Variants in EPB41L5 observed in about 807,000 individuals in gnomAD.
EPB41L5 encodes erythrocyte membrane protein band 4.1 like 5.
Under a neutral mutation model 106.6 loss-of-function variants are expected in EPB41L5, and 55 were observed. The ratio of observed to expected loss-of-function variants is 0.52; its 90% CI spans 0.42 to 0.65. EPB41L5 has a LOEUF of 0.65. Ranked by LOEUF, EPB41L5 falls within the 30% of genes least tolerant of loss-of-function variation. The pLI, the probability that EPB41L5 is intolerant of heterozygous loss-of-function variation, is 0.00. For synonymous variants in EPB41L5, 297 were observed against 306.7 expected (o/e 0.97, Z 0.33); for missense variants, 871 against 882.1 (o/e 0.99, Z 0.16).
At chr2:120,163,893 G>T (rs1053173629) in intron 21 of EPB41L5, among the ~76,000 whole-genome samples, 1 of 151,622 alleles carries the variant, frequency 6.6e-6, no homozygotes, top group East Asian at 1.9e-4. Flanking sequence ...TTGGGGCTGC[G>T]GTGAGTTATG....
chr2:120,165,124 G>A (rs1418070076), intron 22 of EPB41L5, among the ~76,000 whole-genome samples: 1 of 152,060 alleles, frequency 6.6e-6, no homozygotes, highest in Non-Finnish European at 1.5e-5. Flanking sequence ...GTCTCTATAA[G>A]CCTTTTATAA....
At chr2:120,150,925 T>C (rs1686643657) in intron 20 of EPB41L5, among the ~76,000 whole-genome samples, 1 of 152,240 alleles carries the variant, frequency 6.6e-6, no homozygotes, top group Admixed American at 6.5e-5. Flanking sequence ...GTGTTTTATA[T>C]AAGAAACCAT....
At chr2:120,149,937 C>T (rs1433042854) in intron 20 of EPB41L5, among the ~76,000 whole-genome samples, 3 of 149,126 alleles carry the variant, frequency 2.0e-5, no homozygotes, top group Non-Finnish European at 4.4e-5. Context: ...CTCTGTCACC[C>T]AGGTTGGAGT....
At chr2:120,129,352 A>AAAGG (rs1360891679) in intron 17 of EPB41L5, among the ~76,000 whole-genome samples, 6 of 151,456 alleles carry the variant, frequency 4.0e-5, no homozygotes, top group Non-Finnish European at 8.8e-5. Context: ...AAAAAGAAAG[A>AAAGG]AAGAAAGAAA....
chr2:120,080,556 C>T (rs531966208), intron 10 of EPB41L5, among the ~76,000 whole-genome samples: 4 of 152,182 alleles, frequency 2.6e-5, no homozygotes, highest in South Asian at 2.1e-4. Flanking sequence ...TGAATAGTGC[C>T]GCAGTAAACA....
chr2:120,146,747 T>A (rs1686424373), intron 20 of EPB41L5, among the ~76,000 whole-genome samples: 1 of 152,244 alleles, frequency 6.6e-6, no homozygotes, highest in South Asian at 2.1e-4. Flanking sequence ...TTTATTTGTC[T>A]TGTTAGTTAG....
chr2:120,163,272 C>CCCA (rs1553515959), intron 21 of EPB41L5, among the ~76,000 whole-genome samples: 15 of 106,136 alleles, frequency 1.4e-4, no homozygotes, highest in African/African-American at 3.2e-4. Flanking sequence ...CCCCCCCCCC[C>CCCA]AAAAAAAGAA....
At chr2:120,112,621 A>G (rs1044828761) in intron 16 of EPB41L5, among the ~76,000 whole-genome samples, 3 of 152,212 alleles carry the variant, frequency 2.0e-5, no homozygotes, top group Non-Finnish European at 4.4e-5. Flanking sequence ...CTTTGAATGG[A>G]TAAATCATTA....
At chr2:120,064,826 C>CT (rs1192082348) in intron 3 of EPB41L5, among the ~76,000 whole-genome samples, 2 of 152,190 alleles carry the variant, frequency 1.3e-5, no homozygotes, top group Non-Finnish European at 2.9e-5. Flanking sequence ...CAGTGCCTGT[C>CT]TCTGAGGCCT....
chr2:120,143,165 T>C (rs1198947241), intron 19 of EPB41L5, 34 bp downstream of exon 19: 6 of 1,532,960 alleles, frequency 3.9e-6, no homozygotes, highest in Non-Finnish European at 5.2e-6. Flanking sequence ...CCTGGTGAAG[T>C]GAAATGAGCA....
chr2:120,064,197 T>C (rs1030421654), intron 3 of EPB41L5, among the ~76,000 whole-genome samples: 26 of 152,356 alleles, frequency 1.7e-4, no homozygotes, highest in African/African-American at 5.8e-4. Flanking sequence ...TTTTAACTTT[T>C]AAGATTATTC....
chr2:120,123,851 T>G (rs531966402), intron 16 of EPB41L5, among the ~76,000 whole-genome samples: 63 of 151,708 alleles, frequency 4.2e-4, no homozygotes, highest in African/African-American at 1.4e-3. Flanking sequence ...AGAGATGGGG[T>G]TTTGCCATGT....
chr2:120,057,927 C>T (rs1447211178), intron 3 of EPB41L5, among the ~76,000 whole-genome samples: 1 of 151,988 alleles, frequency 6.6e-6, no homozygotes, highest in African/African-American at 2.4e-5. Flanking sequence ...TACAATAAGA[C>T]TTTGCAAAAT....
At chr2:120,174,760 T>C (rs1574809678) in intron 24 of EPB41L5, 81 bp from the exon 25 acceptor site, 1 of 1,184,708 alleles carries the variant, frequency 8.4e-7, no homozygotes, top group South Asian at 1.2e-5. Context: ...CAAAATGCTC[T>C]GTGTGGCACT....
At chr2:120,070,093 A>C (rs772926896) in intron 3 of EPB41L5, among the ~76,000 whole-genome samples, 47 of 152,206 alleles carry the variant, frequency 3.1e-4, no homozygotes, top group Non-Finnish European at 4.8e-4. Flanking sequence ...TAGCCAGGCT[A>C]ATAAAGAAGA....
chr2:120,014,279 A>G (rs1003330924), intron 1 of EPB41L5, among the ~76,000 whole-genome samples: 6 of 152,082 alleles, frequency 3.9e-5, no homozygotes, highest in Admixed American at 3.9e-4. Flanking sequence ...TTAAATTTGC[A>G]TTTTATGATT....
rs560161525 is a variant in EPB41L5, at chr2:120,057,576, A to G, written c.285+15466A>G. ...TAAGGGAAGATGGATAATGGTATAA[A>G]TCTGTGAGTTTTTCTGTTTAAATCT... On this transcript the variant is annotated intron_variant, in intron 3 of 24. Coordinates refer to ENST00000263713, the MANE Select transcript of EPB41L5 (RefSeq NM_020909.4). Among the ~76,000 whole-genome samples the G allele has an allele frequency of 3.3e-5, 5 of 152,212 alleles. No homozygotes were observed. In the South Asian group the frequency reaches 8.3e-4, roughly 25 times the overall value.
intron 2 of EPB41L5, among the ~76,000 whole-genome samples, chr2:120,029,363 T>C (rs1258923399): frequency 6.6e-6 from 1 of 152,122 alleles, no homozygotes; most frequent in Non-Finnish European, 1.5e-5. Flanking sequence ...ATTTTTAGTA[T>C]TGTATATACA....
At chr2:120,037,721 G>A (rs867217457) in intron 2 of EPB41L5, among the ~76,000 whole-genome samples, 1 of 152,136 alleles carries the variant, frequency 6.6e-6, no homozygotes, top group South Asian at 2.1e-4. Context: ...ATAGAATAGA[G>A]AGACTAGAAA....
Sources: allele counts gnomAD v4.1 joint callset (sites outside exome capture counted in the v4.1 genomes callset), GRCh38; gene constraint gnomAD v4.1.1; transcripts MANE v1.5; gene names NCBI Gene and HGNC (gene_info 2026-07-23, HGNC 2026-07-21).